Variants in WDR27 observed in about 807,000 individuals in gnomAD.
The protein encoded by WDR27 is WD repeat domain 27, also known as WD repeat-containing protein 27.
A neutral mutation model predicts 114.4 loss-of-function variants in WDR27; 100 were observed. The ratio of observed to expected loss-of-function variants is 0.87; its 90% CI spans 0.74 to 1.03. The LOEUF is 1.03. Ranked by LOEUF, WDR27 falls within the 50% of genes least tolerant of loss-of-function variation. The pLI, the probability that WDR27 is intolerant of heterozygous loss-of-function variation, is 0.00. For missense variants in WDR27, 1,129 were observed against 1,092.9 expected (o/e 1.03, Z -0.47); for synonymous variants, 449 against 423.1 (o/e 1.06, Z -0.75).
At chr6:169,520,355 G>A (rs1794218655) in intron 25 of WDR27, among the ~76,000 whole-genome samples, 1 of 152,136 alleles carries the variant, frequency 6.6e-6, no homozygotes, top group Non-Finnish European at 1.5e-5. Flanking sequence ...CAGCAACATA[G>A]CAGATTGTTT....
At chr6:169,464,469 T>A (rs1785291848) in intron 25 of WDR27, among the ~76,000 whole-genome samples, 1 of 152,126 alleles carries the variant, frequency 6.6e-6, no homozygotes, top group Admixed American at 6.5e-5. Context: ...AGAATTAGGG[T>A]TGGCAATGAT....
At chr6:169,589,960 C>CAACAAGTCCTGAGAGAAGCAAGAAA (rs11275789) in intron 23 of WDR27, among the ~76,000 whole-genome samples, 1 of 151,948 alleles carries the variant, frequency 6.6e-6, no homozygotes, top group Non-Finnish European at 1.5e-5. Flanking sequence ...AGAACCAAAT[C>CAACAAGTCCTGAGAGAAGCAAGAAA]AAGGGAAGCA....
Position 169,529,942 on chromosome 6 carries a change from G to A in WDR27, c.2645+42477C>T, listed in dbSNP as rs576760068. Among the ~76,000 whole-genome samples the A allele has an allele frequency of 2.6e-5, 4 of 152,178 alleles. No homozygotes were observed. The East Asian group carries it at 5.8e-4, about 22-fold the overall frequency. On this transcript the variant is annotated intron_variant, in intron 25 of 25. Coordinates refer to ENST00000448612, the MANE Select transcript of WDR27 (RefSeq NM_182552.5). ...ATTAGATGTGTAATAGGAATCCTAT[G>A]TGTTGAGTATAACTAAAATGCTGCA...
intron 1 of WDR27, among the ~76,000 whole-genome samples, chr6:169,698,017 A>T (rs1282803800): frequency 2.0e-5 from 3 of 152,212 alleles, no homozygotes; most frequent in Non-Finnish European, 4.4e-5. Flanking sequence ...TGATGAGTGC[A>T]TAGTAAAGAA....
intron 25 of WDR27, among the ~76,000 whole-genome samples, chr6:169,545,643 G>A (rs141656678): frequency 2.0e-5 from 3 of 152,184 alleles, no homozygotes; most frequent in Non-Finnish European, 2.9e-5. Flanking sequence ...GTGCCACTGC[G>A]CTCCAGCCTT....
intron 25 of WDR27, among the ~76,000 whole-genome samples, chr6:169,556,642 T>C (rs1416170560): frequency 6.6e-6 from 1 of 152,182 alleles, no homozygotes; most frequent in African/African-American, 2.4e-5. Context: ...AATGTAAAAT[T>C]TCTGTTCATT....
At chr6:169,586,340 G>A (rs865887293) in intron 23 of WDR27, among the ~76,000 whole-genome samples, 31 of 152,252 alleles carry the variant, frequency 2.0e-4, no homozygotes, top group African/African-American at 7.5e-4. Context: ...AACAGTAATG[G>A]CCTCTTCAAT....
At chr6:169,483,148 C>T (rs546544744) in intron 25 of WDR27, among the ~76,000 whole-genome samples, 2 of 152,200 alleles carry the variant, frequency 1.3e-5, no homozygotes, top group East Asian at 1.9e-4. Context: ...AGCAAACCAA[C>T]CCTAAAGCTA....
At chr6:169,478,218 T>C (rs541937490) in intron 25 of WDR27, among the ~76,000 whole-genome samples, 1 of 152,232 alleles carries the variant, frequency 6.6e-6, no homozygotes, top group Admixed American at 6.5e-5. Flanking sequence ...AACTATAAAT[T>C]CTCATTTACT....
At chr6:169,589,666 C>T (rs1805323320) in intron 23 of WDR27, among the ~76,000 whole-genome samples, 1 of 152,132 alleles carries the variant, frequency 6.6e-6, no homozygotes, top group Non-Finnish European at 1.5e-5. Flanking sequence ...GCCCAAATAT[C>T]AATATTTTAG....
intron 1 of WDR27, among the ~76,000 whole-genome samples, chr6:169,692,253 C>T (rs1784698622): frequency 6.6e-6 from 1 of 152,222 alleles, no homozygotes; most frequent in African/African-American, 2.4e-5. Context: ...CTGACTGTAT[C>T]TCATAGGGGT....
chr6:169,683,851 G>C (rs1038756675), intron 2 of WDR27, among the ~76,000 whole-genome samples: 1 of 152,220 alleles, frequency 6.6e-6, no homozygotes, highest in Non-Finnish European at 1.5e-5. Flanking sequence ...TTTGGGAGCT[G>C]CTGGAAATTC....
intron 25 of WDR27, among the ~76,000 whole-genome samples, chr6:169,462,463 G>A (rs540781955): frequency 6.7e-4 from 97 of 144,040 alleles, no homozygotes; most frequent in African/African-American, 2.8e-3. Flanking sequence ...ACAGAGAGAG[G>A]GAGGGAGGAG....
chr6:169,467,112 A>G (rs77887499), intron 25 of WDR27, among the ~76,000 whole-genome samples: 249 of 152,326 alleles, frequency 1.6e-3, no homozygotes, highest in Non-Finnish European at 2.6e-3. Flanking sequence ...CATGTCTCAC[A>G]TCCCAGTCAT....
At chr6:169,558,934 G>T (rs894773086) in intron 25 of WDR27, 2 of 152,196 alleles carry the variant, frequency 1.3e-5, no homozygotes, top group African/African-American at 2.4e-5. Context: ...AGCTATTACT[G>T]ACTCAAATTC....
intron 24 of WDR27, among the ~76,000 whole-genome samples, chr6:169,574,332 T>C (rs550353159): frequency 6.6e-6 from 1 of 152,360 alleles, no homozygotes; most frequent in East Asian, 1.9e-4. Context: ...GCAGTAACAG[T>C]GATGAAAAAC....
At chr6:169,612,488 T>C (rs1251711463) in intron 22 of WDR27, among the ~76,000 whole-genome samples, 1 of 147,880 alleles carries the variant, frequency 6.8e-6, no homozygotes, top group East Asian at 2.0e-4. Context: ...GGCACTTGCC[T>C]GTAAACCCAG....
chr6:169,600,878 G>C (rs1807842356), intron 23 of WDR27, among the ~76,000 whole-genome samples: 1 of 152,182 alleles, frequency 6.6e-6, no homozygotes, highest in African/African-American at 2.4e-5. Context: ...GAACCAAGTT[G>C]GAAAATACTT....
chr6:169,583,556 T>C (rs1381889348), intron 23 of WDR27, among the ~76,000 whole-genome samples: 2 of 149,448 alleles, frequency 1.3e-5, no homozygotes, highest in Non-Finnish European at 1.5e-5. Flanking sequence ...ATTCTGGATA[T>C]ATATCCAGAA....
Sources: gnomAD v4.1 joint callset for allele counts (sites outside exome capture counted in the v4.1 genomes callset) on GRCh38, gnomAD v4.1.1 for gene constraint, MANE v1.5 for transcripts, NCBI Gene and HGNC (gene_info 2026-07-23, HGNC 2026-07-21) for gene names.